PLPP7: variants seen among roughly 807,000 people sequenced by gnomAD.
PLPP7 encodes the protein phospholipid phosphatase 7 (inactive), also known as inactive phospholipid phosphatase 7.
PLPP7 carries 11 observed loss-of-function variants against 16.9 expected under a neutral mutation model. That is an observed-to-expected ratio of 0.65 (90% CI 0.41 to 1.08). The LOEUF (loss-of-function observed/expected upper bound fraction) is 1.08. Among genes scored for constraint, PLPP7 ranks in the 50% least tolerant of loss-of-function variants. The pLI is 0.00. For synonymous variants in PLPP7, 174 were observed against 175.1 expected, an observed-to-expected ratio of 0.99 and a Z score of 0.05; for missense variants, 358 against 397.1, an observed-to-expected ratio of 0.90 and a Z score of 0.84.
intron 1 of PLPP7, among the ~76,000 whole-genome samples, chr9:131,307,194 C>T (rs1440443552): frequency 5.4e-5 from 8 of 147,918 alleles, no homozygotes; most frequent in African/African-American, 1.8e-4. Flanking sequence ...TGCAGTGAGC[C>T]AAGATCAGGC....
At chr9:131,300,713 A>AG (rs1031691549) in intron 1 of PLPP7, among the ~76,000 whole-genome samples, 1 of 148,418 alleles carries the variant, frequency 6.7e-6, no homozygotes, top group African/African-American at 2.5e-5. Context: ...AAAAAAAAAA[A>AG]GGGAAGGTGT....
Position 131,308,943 on chromosome 9 carries a change from C to T in PLPP7, c.*656C>T, listed in dbSNP as rs985148164. 11 of 152,334 alleles carry T rather than the reference C, an allele frequency of 7.2e-5. No individual in the cohort carries two copies. The highest frequency in any genetic ancestry group is 2.4e-4 in the African/African-American group (10 of 41,466). The allele number at this position is 152,334 out of a possible 1,614,324, so 9.4% of individuals were successfully genotyped here. On this transcript the variant is annotated 3_prime_UTR_variant, in exon 2 of 2. Coordinates refer to ENST00000372264, the MANE Select transcript of PLPP7 (RefSeq NM_032728.4). ...AAGCTTCTTGCTAAACCTTCTTTAACCCATGTTTTCTAAACTTATTTGACC... is the reference window on the plus strand; with the variant it reads ...AAGCTTCTTGCTAAACCTTCTTTAATCCATGTTTTCTAAACTTATTTGACC...
intron 1 of PLPP7, among the ~76,000 whole-genome samples, chr9:131,298,630 C>T (rs1835762052): frequency 2.0e-5 from 3 of 152,234 alleles, no homozygotes; most frequent in South Asian, 4.1e-4. Flanking sequence ...CCCCTCTTCC[C>T]GCAGTGCACA....
intron 1 of PLPP7, among the ~76,000 whole-genome samples, chr9:131,304,945 T>A (rs547098364): frequency 2.0e-5 from 3 of 152,158 alleles, no homozygotes; most frequent in Admixed American, 6.5e-5. Flanking sequence ...CCTGAGGTGG[T>A]GAGTTGGGAA....
In PLPP7 at chr9:131,293,404, G is replaced by T. The variant is rs539568893; in HGVS notation, c.451+2956G>T. Among the ~76,000 whole-genome samples, 3 of 152,194 alleles carry T rather than the reference G, an allele frequency of 2.0e-5. No individual in the cohort carries two copies. In the South Asian group the frequency reaches 6.2e-4, roughly 32 times the overall value. ...TTCAGCATAGGCCACAGAGCAGGCC[G>T]GGTGGGTCTGGGGACCCCGAGGTCA... On this transcript the variant is annotated intron_variant, in intron 1 of 1. Transcript: ENST00000372264.
At position 131,289,939 on chromosome 9, in the gene PLPP7, G is replaced by T. The variant is rs538933662; in HGVS notation, c.-59G>T. On this transcript the variant is annotated 5_prime_UTR_variant, in exon 1 of 2. Coordinates refer to ENST00000372264, the MANE Select transcript of PLPP7 (RefSeq NM_032728.4). ...GGCTCTGGGGGCAGCTCTTGTCTTC[G>T]GGGAGAAGGCCCTTGGAGCCGGGCT... The T allele has an allele frequency of 1.5e-6, 2 of 1,332,736 alleles. No homozygotes were observed. The highest frequency in any genetic ancestry group is 5.8e-5 in the East Asian group (2 of 34,404). 82.6% of individuals were successfully genotyped at this position (1,332,736 alleles called of 1,614,324 possible). A position where few individuals can be genotyped will look rare whatever the true frequency, so the allele number is the denominator to read the frequency against.
chr9:131,300,143 G>C (rs1306224343), intron 1 of PLPP7, among the ~76,000 whole-genome samples: 1 of 152,206 alleles, frequency 6.6e-6, no homozygotes, highest in Non-Finnish European at 1.5e-5. Context: ...CATCTGGTGA[G>C]GGCCTTCTTG....
intron 1 of PLPP7, among the ~76,000 whole-genome samples, chr9:131,304,694 G>T (rs1483041904): frequency 6.6e-6 from 1 of 152,180 alleles, no homozygotes; most frequent in African/African-American, 2.4e-5. Flanking sequence ...ATGAGCCTCA[G>T]GCCAGTAACT....
intron 1 of PLPP7, among the ~76,000 whole-genome samples, chr9:131,301,413 AACCACCCCCT>A (rs1380913433): frequency 2.0e-5 from 3 of 152,122 alleles, no homozygotes; most frequent in Non-Finnish European, 4.4e-5. Context: ...GGTCTGCATG[AACCACCCCCT>A]ACCCCAGATT....
In PLPP7 at chr9:131,308,738, A is replaced by T. The variant is rs1307062546; in HGVS notation, c.*451A>T. The T allele has an allele frequency of 1.2e-5, 2 of 170,816 alleles. No individual in the cohort carries two copies. Among genetic ancestry groups the T allele is most frequent in the Non-Finnish European group, 2.5e-5 (2 of 79,464 alleles). The allele number at this position is 170,816 out of a possible 1,614,324, so 10.6% of individuals were successfully genotyped here. The stretch of plus-strand genomic sequence containing the variant: ...GCAGGTGCCATTGCCATTAGCGGTC[A>T]TCGACAGCTTAGGGCAGCACTTTCC... On this transcript the variant is annotated 3_prime_UTR_variant, in exon 2 of 2. Transcript: ENST00000372264.
chr9:131,300,229 C>T (rs1211404503), intron 1 of PLPP7, among the ~76,000 whole-genome samples: 3 of 152,346 alleles, frequency 2.0e-5, no homozygotes, highest in South Asian at 2.1e-4. Context: ...CTCACCCTTT[C>T]GTCAGGAACC....
In PLPP7 at chr9:131,299,739, C is replaced by T. The variant is rs183687091; in HGVS notation, c.452-8184C>T. On this transcript the variant is annotated intron_variant, in intron 1 of 1. Coordinates refer to ENST00000372264, the MANE Select transcript of PLPP7 (RefSeq NM_032728.4). ...GTGTCACTATGTGCTTACTGCCCAC[C>T]GTCCCGTTTGGCCATAGGAGACCCT... Among the ~76,000 whole-genome samples the T allele has an allele frequency of 7.9e-5, 12 of 152,324 alleles. No individual in the cohort carries two copies. In the South Asian group the frequency reaches 8.3e-4, roughly 11 times the overall value.
chr9:131,306,981 G>C (rs926082638), intron 1 of PLPP7, among the ~76,000 whole-genome samples: 4 of 152,006 alleles, frequency 2.6e-5, no homozygotes, highest in Non-Finnish European at 4.4e-5. Flanking sequence ...AGTGGCTCAC[G>C]CCTGTAATGG....
chr9:131,291,134 G>A, intron 1 of PLPP7: 1 of 1,366,496 alleles, frequency 7.3e-7, no homozygotes, highest in South Asian at 1.1e-5. Flanking sequence ...TGTGCCAGGT[G>A]CCACGTGGGG....
chr9:131,307,551 C>CAA lies in PLPP7; in HGVS notation c.452-340_452-339dup, dbSNP rs57469502. On this transcript the variant is annotated intron_variant, in intron 1 of 1. Coordinates refer to ENST00000372264, the MANE Select transcript of PLPP7 (RefSeq NM_032728.4). ...TGGTTGACAAAGTGAAACTCTGTCT[C>CAA]AAAAAAAAAAAAAAAAAAAAAAAAA... is the stretch of plus-strand genomic sequence containing the variant. 6.8e-3 allele frequency among the ~76,000 whole-genome samples: 409 copies of CAA among 60,528 alleles called. 1 individual carries two copies. The highest frequency in any genetic ancestry group is 0.018 in the African/African-American group (237 of 13,150). 39.7% of individuals were successfully genotyped at this position (60,528 alleles called of 152,430 possible).
chr9:131,291,219 A>G (rs1252255324), intron 1 of PLPP7: 1 of 1,351,636 alleles, frequency 7.4e-7, no homozygotes, highest in East Asian at 4.6e-5. Flanking sequence ...TTCGGGCACC[A>G]CCAGGTCCCC....
rs11244357 is a variant in PLPP7 at position 131,290,512 on chromosome 9, A to G, written c.451+64A>G. On this transcript the variant is annotated intron_variant, in intron 1 of 1. Transcript: ENST00000372264. This position sits in a 1 kb window ranked among gnomAD's most constrained non-coding sequence, Gnocchi z 4.2. ...CTCGGGAGGCAGCCTGGCCTGCCCAACCCCACCCTGGCCGGGACCTGCACA... is the reference window on the plus strand; with the variant it reads ...CTCGGGAGGCAGCCTGGCCTGCCCAGCCCCACCCTGGCCGGGACCTGCACA... 584,972 of 1,434,130 alleles carry G rather than the reference A, an allele frequency of 0.41. 120,068 individuals carry two copies. Among genetic ancestry groups the G allele is most frequent in the East Asian group, 0.51 (21,059 of 41,200 alleles). 88.8% of individuals were successfully genotyped at this position (1,434,130 alleles called of 1,614,324 possible).
In PLPP7 at chr9:131,305,209, C is replaced by T. The variant is rs1019788813; in HGVS notation, c.452-2714C>T. 4.6e-5 allele frequency among the ~76,000 whole-genome samples: 7 copies of T among 152,300 alleles called. 1 individual carries two copies. Among genetic ancestry groups the T allele is most frequent in the African/African-American group, 2.4e-5 (1 of 41,560 alleles). On this transcript the variant is annotated intron_variant, in intron 1 of 1. Transcript: ENST00000372264. ...ACGTGCATAGCAGCATGAGTCACGGCAGCCGAAAGGCGCAAACAACTCGAT... is the reference window on the plus strand; with the variant it reads ...ACGTGCATAGCAGCATGAGTCACGGTAGCCGAAAGGCGCAAACAACTCGAT...
At position 131,292,300 on chromosome 9, in the gene PLPP7, G is replaced by T. The variant is rs546515241; in HGVS notation, c.451+1852G>T. ...ACACTCCAGTCTGTCTCTCAACCCTGCTCCCTTGACCCCATCTCTTCCTTC... is the reference window on the plus strand; with the variant it reads ...ACACTCCAGTCTGTCTCTCAACCCTTCTCCCTTGACCCCATCTCTTCCTTC... On this transcript the variant is annotated intron_variant, in intron 1 of 1. Coordinates refer to ENST00000372264, the MANE Select transcript of PLPP7 (RefSeq NM_032728.4). Among the ~76,000 whole-genome samples, 7 of 152,334 alleles carry T rather than the reference G, an allele frequency of 4.6e-5. No homozygotes were observed. In the South Asian group the frequency reaches 1.2e-3, roughly 27 times the overall value.
Sources: allele counts gnomAD v4.1 joint callset (sites outside exome capture counted in the v4.1 genomes callset), GRCh38; gene constraint gnomAD v4.1.1; non-coding constraint Gnocchi (gnomAD v3.1); transcripts MANE v1.5; gene names NCBI Gene and HGNC (gene_info 2026-07-23, HGNC 2026-07-21).